Variants in DPP6 observed in about 807,000 individuals in gnomAD.
The protein encoded by DPP6 is dipeptidyl peptidase like 6.
Under a neutral mutation model 122.6 loss-of-function variants are expected in DPP6, and 69 were observed. The observed-to-expected ratio is 0.56, with a 90% confidence interval of 0.46 to 0.69. The LOEUF (loss-of-function observed/expected upper bound fraction) is 0.69, where lower values mean the gene tolerates loss of function less well. DPP6 is among the 30% of genes least tolerant of loss of function. The pLI, the probability that DPP6 is intolerant of heterozygous loss-of-function variation, is 0.00. For missense variants in DPP6, 928 were observed against 1,116.9 expected, an observed-to-expected ratio of 0.83 and a Z score of 2.41; for synonymous variants, 418 against 433.1, an observed-to-expected ratio of 0.97 and a Z score of 0.43.
intron 1 of DPP6, among the ~76,000 whole-genome samples, chr7:154,037,060 G>T (rs925428249): frequency 1.2e-4 from 18 of 152,118 alleles, no homozygotes; most frequent in Admixed American, 6.5e-5. Flanking sequence ...TCAGTTCAAG[G>T]TTGATTTGTG....
At chr7:153,846,793 C>T in the DPP6 span, among the ~76,000 whole-genome samples, 14 of 148,808 alleles carry the variant, frequency 9.4e-5, no homozygotes, top group Admixed American at 2.7e-4. Context: ...CCTGGGTTCA[C>T]GCCATTCTCC....
In DPP6 at chr7:154,863,344, A is replaced by ATT. The variant is rs36007704; in HGVS notation, c.1715-4637_1715-4636dup. 0.014 allele frequency among the ~76,000 whole-genome samples: 1,957 copies of ATT among 141,512 alleles called. 50 individuals are homozygous for ATT. Among genetic ancestry groups the ATT allele is most frequent in the African/African-American group, 0.045 (1,706 of 38,096 alleles). The allele number at this position is 141,512 out of a possible 152,430, so 92.8% of individuals were successfully genotyped here. Reference sequence around the variant, plus strand: ...CAAGATTCTACAATCCTTTCATAGGATTTTTTTTTTTTTTTGAGATGGGGG... The same window carrying ATT: ...CAAGATTCTACAATCCTTTCATAGGATTTTTTTTTTTTTTTTTGAGATGGGGG... On this transcript the variant is annotated intron_variant, in intron 17 of 25. Coordinates refer to ENST00000377770, the MANE Select transcript of DPP6 (RefSeq NM_130797.4). This position sits in a 1 kb window ranked among gnomAD's most constrained non-coding sequence, Gnocchi z 4.1.
intron 1 of DPP6, chr7:153,968,515 A>G (rs1227718187): frequency 1.3e-5 from 2 of 151,930 alleles, no homozygotes; most frequent in Non-Finnish European, 1.5e-5. Context: ...GCATATCCAG[A>G]GAGCTATGCA....
At position 154,372,814 on chromosome 7, in the gene DPP6, G is replaced by A. The variant is rs545114086; in HGVS notation, c.244-73400G>A. On this transcript the variant is annotated intron_variant, in intron 1 of 25. Coordinates refer to ENST00000377770, the MANE Select transcript of DPP6 (RefSeq NM_130797.4). The stretch of plus-strand genomic sequence containing the variant: ...GGACCCCCTGCATCAGTGTAAGTCG[G>A]CATACAGGGGTTAGAGTGCACCATC... Among the ~76,000 whole-genome samples, 13 of 152,298 alleles carry A rather than the reference G, an allele frequency of 8.5e-5. No individual in the cohort carries two copies. In the East Asian group the frequency reaches 2.5e-3, roughly 29 times the overall value.
At chr7:154,867,600 C>G (rs1278146341) in intron 17 of DPP6, among the ~76,000 whole-genome samples, 1 of 152,186 alleles carries the variant, frequency 6.6e-6, no homozygotes, top group African/African-American at 2.4e-5. Flanking sequence ...CTTTCCTTTT[C>G]TGGTTATTAT....
In DPP6 at chr7:154,801,339, T is replaced by A. The variant is rs1220300340; in HGVS notation, c.1300-16T>A. The A allele has an allele frequency of 6.4e-7, 1 of 1,569,792 alleles. No individual in the cohort carries two copies. Reference sequence around the variant, plus strand: ...GATGTTTTAGTTGTGGTTTCATCCGTGGCCTTTGTCCACAGAATGAAGAAC... The same window carrying A: ...GATGTTTTAGTTGTGGTTTCATCCGAGGCCTTTGTCCACAGAATGAAGAAC... On this transcript the variant is annotated splice_polypyrimidine_tract_variant and intron_variant, in intron 12 of 25. Transcript: ENST00000377770.
At chr7:154,544,147 T>C (rs1006982041) in intron 4 of DPP6, among the ~76,000 whole-genome samples, 2 of 143,302 alleles carry the variant, frequency 1.4e-5, no homozygotes, top group Admixed American at 7.0e-5. Context: ...ATTTTATATA[T>C]ATATTTTATA....
At chr7:154,245,635 C>CAAGAAAAAAAAAAAAAAAAAAA (rs1801932036) in intron 1 of DPP6, among the ~76,000 whole-genome samples, 1 of 100,668 alleles carries the variant, frequency 9.9e-6, no homozygotes, top group Admixed American at 1.0e-4. Context: ...AAGACTGTCT[C>CAAGAAAAAAAAAAAAAAAAAAA]AAAAAAAAAA....
At chr7:154,784,406 C>T (rs1261796146) in intron 10 of DPP6, among the ~76,000 whole-genome samples, 1 of 152,144 alleles carries the variant, frequency 6.6e-6, no homozygotes, top group African/African-American at 2.4e-5. Flanking sequence ...CCGCAGAGAG[C>T]TCAGCACACC....
At chr7:154,622,899 G>A (rs925727672) in intron 5 of DPP6, among the ~76,000 whole-genome samples, 3 of 152,206 alleles carry the variant, frequency 2.0e-5, no homozygotes, top group Non-Finnish European at 2.9e-5. Flanking sequence ...TCTTACCCAA[G>A]AAGGGATTTG....
chr7:153,884,987 AATATATATATAT>A (rs56329841), upstream of DPP6, among the ~76,000 whole-genome samples: 50 of 116,466 alleles, frequency 4.3e-4, 1 homozygote, highest in Middle Eastern at 4.4e-3. Flanking sequence ...TCAAAACAAA[AATATATATATAT>A]ATATATATAT....
At chr7:154,654,277 A>G (rs998408078) in intron 6 of DPP6, among the ~76,000 whole-genome samples, 1 of 152,122 alleles carries the variant, frequency 6.6e-6, no homozygotes. Context: ...GTGATCATAT[A>G]TGTTAAAAGC....
At chr7:154,412,157 C>T (rs543234586) in intron 1 of DPP6, among the ~76,000 whole-genome samples, 52 of 152,096 alleles carry the variant, frequency 3.4e-4, no homozygotes, top group Non-Finnish European at 7.1e-4. Flanking sequence ...AGGGTTCTGC[C>T]CTCATGCCCT....
chr7:154,337,165 G>A (rs1485214000), intron 1 of DPP6, among the ~76,000 whole-genome samples: 4 of 152,180 alleles, frequency 2.6e-5, no homozygotes, highest in African/African-American at 9.7e-5. Flanking sequence ...AACTCCTGTT[G>A]GGAGGCAGAC....
intron 5 of DPP6, among the ~76,000 whole-genome samples, chr7:154,584,684 T>C (rs577643136): frequency 5.9e-5 from 9 of 152,350 alleles, no homozygotes; most frequent in African/African-American, 1.7e-4. Flanking sequence ...AAGCTGTGCA[T>C]GTAAGAGGTC....
chr7:154,636,027 C>T (rs1835706982), intron 5 of DPP6, among the ~76,000 whole-genome samples: 1 of 152,208 alleles, frequency 6.6e-6, no homozygotes, highest in African/African-American at 2.4e-5. Flanking sequence ...TCTCTTCTCT[C>T]TCCTCCTCTC....
chr7:154,246,286 GA>G (rs1485401489), intron 1 of DPP6, among the ~76,000 whole-genome samples: 8 of 151,458 alleles, frequency 5.3e-5, no homozygotes, highest in African/African-American at 1.2e-4. Flanking sequence ...TTTAAATAGG[GA>G]AAAAAAGGAT....
At chr7:154,733,199 G>A (rs1738682361) in intron 8 of DPP6, among the ~76,000 whole-genome samples, 1 of 152,240 alleles carries the variant, frequency 6.6e-6, no homozygotes, top group Admixed American at 6.5e-5. Flanking sequence ...TGGCTAGTCT[G>A]GCCAGAAAGG....
intron 5 of DPP6, among the ~76,000 whole-genome samples, chr7:154,604,644 A>C (rs1342063570): frequency 2.5e-5 from 3 of 120,982 alleles, no homozygotes; most frequent in African/African-American, 5.2e-5. Flanking sequence ...ACTTCTGCAT[A>C]ATTTTAAAAT....
Sources: allele counts gnomAD v4.1 joint callset (sites outside exome capture counted in the v4.1 genomes callset), GRCh38; gene constraint gnomAD v4.1.1; non-coding constraint Gnocchi (gnomAD v3.1); transcripts MANE v1.5; gene names NCBI Gene and HGNC (gene_info 2026-07-23, HGNC 2026-07-21).